Variants in NBAS observed in about 807,000 individuals in gnomAD.
The protein encoded by NBAS is NBAS subunit of NRZ tethering complex.
In NBAS, 219 loss-of-function variants were observed where a neutral mutation model predicts 302.5. That is an observed-to-expected ratio of 0.72 (90% CI 0.65 to 0.81). The LOEUF (loss-of-function observed/expected upper bound fraction) is 0.81, where lower values mean the gene tolerates loss of function less well. NBAS is among the 30% of genes least tolerant of loss of function. The probability of loss-of-function intolerance (pLI) is 0.00; values close to 1 mark genes in which losing one functional copy is unlikely to be tolerated. For missense variants in NBAS, 2,932 were observed against 2,841.6 expected (o/e 1.03, Z -0.72); for synonymous variants, 1,118 against 1,021.6 (o/e 1.09, Z -1.80).
intron 11 of NBAS, among the ~76,000 whole-genome samples, chr2:15,497,822 C>A (rs184798407): frequency 6.6e-6 from 1 of 152,238 alleles, no homozygotes; most frequent in Admixed American, 6.5e-5. Flanking sequence ...ATTTAATTTG[C>A]TCCTAGTAAC....
chr2:15,418,823 G>T (rs1458663440), intron 23 of NBAS, among the ~76,000 whole-genome samples: 1 of 152,186 alleles, frequency 6.6e-6, no homozygotes, highest in Non-Finnish European at 1.5e-5. Context: ...GCTAGAGTAG[G>T]AGGGACGGGC....
intron 12 of NBAS, chr2:15,483,474 AAAATT>A (rs1470463971): frequency 2.0e-5 from 5 of 252,286 alleles, no homozygotes; most frequent in Admixed American, 4.9e-5. Flanking sequence ...ACTTGAGAGA[AAAATT>A]AAGGCCGAAA....
At chr2:15,036,121 A>T in the NBAS span, among the ~76,000 whole-genome samples, 2 of 152,212 alleles carry the variant, frequency 1.3e-5, no homozygotes, top group Non-Finnish European at 2.9e-5. Flanking sequence ...TATCCCTTCT[A>T]ATACTTGATA....
intron 41 of NBAS, among the ~76,000 whole-genome samples, chr2:15,287,499 G>GCAC: frequency 1.3e-5 from 2 of 152,170 alleles, no homozygotes; most frequent in African/African-American, 4.8e-5. Context: ...AGGGGCAGAT[G>GCAC]TACTACACTA....
the NBAS span, among the ~76,000 whole-genome samples, chr2:14,973,298 C>T: frequency 3.3e-5 from 5 of 152,274 alleles, no homozygotes; most frequent in East Asian, 9.6e-4. Context: ...TCAGATAGAC[C>T]TTTGGGTGTG....
chr2:15,500,462 A>T (rs1278220883), intron 11 of NBAS, among the ~76,000 whole-genome samples: 2 of 151,182 alleles, frequency 1.3e-5, no homozygotes, highest in Non-Finnish European at 2.9e-5. Context: ...CACCCTCAAG[A>T]AGTTTACTAG....
At chr2:14,797,899 A>G in the NBAS span, among the ~76,000 whole-genome samples, 1 of 152,016 alleles carries the variant, frequency 6.6e-6, no homozygotes, top group South Asian at 2.1e-4. Context: ...CTAATTTCCA[A>G]TTTTTGTTGC....
chr2:14,846,440 G>GA, the NBAS span, among the ~76,000 whole-genome samples: 18,107 of 101,612 alleles, frequency 0.18, 2,344 homozygotes, highest in African/African-American at 0.39. Context: ...ACTTCAATTA[G>GA]AAAAAAAAAA....
At chr2:15,275,840 T>C (rs1384936770) in intron 43 of NBAS, 22 bp from the exon 44 acceptor site, 3 of 1,598,840 alleles carry the variant, frequency 1.9e-6, no homozygotes, top group South Asian at 1.1e-5. Context: ...AAAAAGAAAG[T>C]AGGTAAGTGG....
intron 34 of NBAS, 147 bp downstream of exon 34, chr2:15,353,406 T>C (rs1238813238): frequency 2.0e-6 from 2 of 986,450 alleles, no homozygotes; most frequent in African/African-American, 1.6e-5. Flanking sequence ...AATATTTTCA[T>C]GTCCCTTTTC....
At chr2:15,121,618 T>C in the NBAS span, among the ~76,000 whole-genome samples, 144 of 152,198 alleles carry the variant, frequency 9.5e-4, no homozygotes, top group Non-Finnish European at 1.3e-3. Context: ...TTTCCTTCAA[T>C]TATAAAAGGA....
rs756598196 is a variant in NBAS, at chr2:15,179,003, G to T, written c.6825C>A (p.Ile2275=). 1 of 1,613,908 alleles carries T rather than the reference G, an allele frequency of 6.2e-7. No individual in the cohort carries two copies. ...EHLHEMALEQ[I]TAVTTVNDSN... is the part of the protein sequence containing the mutation. Reference sequence around the variant, plus strand: ...CTGGGCATACCGTAGTGACTGCCGTGATTTGCTCCAGTGCCATCTCGTGCA... The same window carrying T: ...CTGGGCATACCGTAGTGACTGCCGTTATTTGCTCCAGTGCCATCTCGTGCA... Residue 2275 remains isoleucine (I), a synonymous_variant, in exon 51 of 52, where the codon ATC becomes ATA. Coordinates refer to ENST00000281513, the MANE Select transcript of NBAS (RefSeq NM_015909.4).
intron 48 of NBAS, among the ~76,000 whole-genome samples, chr2:15,194,860 T>G (rs1022517039): frequency 4.6e-5 from 7 of 152,050 alleles, no homozygotes; most frequent in Non-Finnish European, 7.4e-5. Context: ...ATCTAGCCAC[T>G]ACAATAATGC....
intron 21 of NBAS, among the ~76,000 whole-genome samples, chr2:15,457,564 C>G (rs1679303476): frequency 6.6e-6 from 1 of 152,202 alleles, no homozygotes; most frequent in East Asian, 1.9e-4. Flanking sequence ...GATGCTGTAA[C>G]AGGAAGTGCT....
chr2:15,442,207 T>C (rs990121074), intron 21 of NBAS, among the ~76,000 whole-genome samples: 3 of 113,082 alleles, frequency 2.7e-5, no homozygotes, highest in African/African-American at 6.5e-5. Context: ...AATATACATT[T>C]TTTTCAGCAC....
Position 15,190,332 on chromosome 2 carries a change from G to T in NBAS, c.6504C>A (p.His2168Gln), listed in dbSNP as rs779264204. The T allele has an allele frequency of 6.2e-7, 1 of 1,613,994 alleles. No individual in the cohort carries two copies. Among genetic ancestry groups the T allele is most frequent in the South Asian group, 1.1e-5 (1 of 91,072 alleles). The change falls in exon 49 of 52, where the codon CAC (histidine) becomes CAA (glutamine). Residue 2168 changes from histidine (H) to glutamine (Q), a missense_variant. Transcript: ENST00000281513. Reference protein sequence around the residue: ...CLFMELLESSHHEAEFQHLVL... With the variant: ...CLFMELLESSQHEAEFQHLVL... ...CCAAGTGCTGAAATTCAGCCTCGTG[G>T]TGACTAGATTCCAGGAGTTCCATGA...
At chr2:15,141,840 A>G in the NBAS span, among the ~76,000 whole-genome samples, 1 of 152,204 alleles carries the variant, frequency 6.6e-6, no homozygotes, top group Non-Finnish European at 1.5e-5. Context: ...AACAGTTCAA[A>G]TCCAACATCA....
At chr2:15,288,411 G>A (rs952038797) in intron 41 of NBAS, among the ~76,000 whole-genome samples, 3 of 152,156 alleles carry the variant, frequency 2.0e-5, no homozygotes, top group South Asian at 2.1e-4. Flanking sequence ...ACCCAGCAGA[G>A]GGTGGGAGGG....
At chr2:15,321,177 A>C (rs1334949339) in intron 38 of NBAS, among the ~76,000 whole-genome samples, 2 of 152,218 alleles carry the variant, frequency 1.3e-5, no homozygotes, top group African/African-American at 4.8e-5. Context: ...GGTGCTTGGA[A>C]AACTGGCTAG....
Sources: gnomAD v4.1 joint callset for allele counts (sites outside exome capture counted in the v4.1 genomes callset) on GRCh38, gnomAD v4.1.1 for gene constraint, MANE v1.5 for transcripts, NCBI Gene and HGNC (gene_info 2026-07-23, HGNC 2026-07-21) for gene names.